Variants in BAZ1B observed in about 807,000 individuals in gnomAD.
The protein encoded by BAZ1B is tyrosine-protein kinase BAZ1B.
Under a neutral mutation model 153.8 loss-of-function variants are expected in BAZ1B, and 22 were observed. The ratio of observed to expected loss-of-function variants is 0.14; its 90% CI spans 0.10 to 0.20. The LOEUF (loss-of-function observed/expected upper bound fraction) is 0.20, where lower values mean the gene tolerates loss of function less well. Among genes scored for constraint, BAZ1B ranks in the 10% least tolerant of loss-of-function variants. The pLI is 1.00. For missense variants in BAZ1B, 1,325 were observed against 1,799.3 expected (o/e 0.74, Z 4.77); for synonymous variants, 676 against 633.4 (o/e 1.07, Z -1.01).
chr7:73,478,307 G>A lies in BAZ1B; in HGVS notation c.1154C>T (p.Pro385Leu). Residue 385 changes from proline (P) to leucine (L), a missense_variant, in exon 7 of 20, where the codon CCT becomes CTT. By Grantham distance (98) the Pro-to-Leu change is moderately conservative. Around this residue, in one of 9 missense-constraint regions of BAZ1B, gnomAD observed 219 missense variants for 248.2 expected, o/e 0.88. Transcript: ENST00000339594. ...TTTCTTGGCAGGTGGGCCTTTTTTA[G>A]GAATGTGAAAGTTAGTGTGCAGCTT... ...PNKLHTNFHI[P>L]KKGPPAKKPG... The A allele has an allele frequency of 6.2e-7, 1 of 1,614,096 alleles. No individual in the cohort carries two copies.
At chr7:73,462,750 A>G in intron 12 of BAZ1B, 172 bp downstream of exon 12, 1 of 686,408 alleles carries the variant, frequency 1.5e-6, no homozygotes, top group Non-Finnish European at 2.4e-6. Context: ...AAAGATAACA[A>G]GGAAAAAATA....
intron 9 of BAZ1B, among the ~76,000 whole-genome samples, chr7:73,468,628 G>A (rs765332295): frequency 2.6e-5 from 4 of 151,432 alleles, no homozygotes; most frequent in East Asian, 1.9e-4. Flanking sequence ...ACATATACCC[G>A]GCACCCAGAT....
intron 11 of BAZ1B, among the ~76,000 whole-genome samples, chr7:73,465,017 G>A (rs1349115799): frequency 2.6e-5 from 4 of 152,012 alleles, no homozygotes; most frequent in Non-Finnish European, 5.9e-5. Context: ...TTACAGGTGT[G>A]AGCCACCGCA....
In BAZ1B at chr7:73,451,982, A is replaced by G. The variant is rs534254024; in HGVS notation, c.3433-988T>C. Among the ~76,000 whole-genome samples, 4 of 152,328 alleles carry G rather than the reference A, an allele frequency of 2.6e-5. No individual in the cohort carries two copies. The South Asian group carries it at 8.3e-4, about 32-fold the overall frequency. On this transcript the variant is annotated intron_variant, in intron 13 of 19. Transcript: ENST00000339594. Reference sequence around the variant, plus strand: ...CTACCAATGGGCTTTGCTGTCCTCTAGTGGACATTCACATGTAGTGCACAC... The same window carrying G: ...CTACCAATGGGCTTTGCTGTCCTCTGGTGGACATTCACATGTAGTGCACAC...
intron 16 of BAZ1B, among the ~76,000 whole-genome samples, chr7:73,445,076 G>A (rs1431553693): frequency 3.9e-5 from 6 of 151,958 alleles, no homozygotes; most frequent in African/African-American, 1.5e-4. Context: ...TTGTGTCTCA[G>A]GTTTACAACA....
intron 6 of BAZ1B, among the ~76,000 whole-genome samples, chr7:73,479,330 G>A (rs183675567): frequency 0.011 from 1,697 of 151,904 alleles, 34 homozygotes; most frequent in African/African-American, 0.04. Flanking sequence ...CCAACATGGT[G>A]AAACCCCGTC....
intron 6 of BAZ1B, among the ~76,000 whole-genome samples, chr7:73,487,146 A>T (rs781947356): frequency 9.9e-5 from 15 of 152,228 alleles, no homozygotes; most frequent in Non-Finnish European, 1.5e-4. Context: ...AACCTAAATT[A>T]TAGCCAAATT....
intron 4 of BAZ1B, among the ~76,000 whole-genome samples, chr7:73,493,684 T>C (rs1554575977): frequency 6.6e-6 from 1 of 150,864 alleles, no homozygotes; most frequent in Admixed American, 6.6e-5. Context: ...CTATAAAAAA[T>C]ACAAAAAATT....
chr7:73,510,936 A>T, intron 1 of BAZ1B, 84 bp from the exon 2 acceptor site: 2 of 1,113,034 alleles, frequency 1.8e-6, no homozygotes, highest in Non-Finnish European at 2.7e-6. Flanking sequence ...TACAGAAAAA[A>T]ATCTAGTCTC....
intron 13 of BAZ1B, among the ~76,000 whole-genome samples, chr7:73,454,927 C>A (rs1478880761): frequency 6.6e-6 from 1 of 152,054 alleles, no homozygotes; most frequent in African/African-American, 2.4e-5. Context: ...GCGATCTCGG[C>A]TCACTGCAAC....
intron 9 of BAZ1B, among the ~76,000 whole-genome samples, chr7:73,468,928 G>A (rs1554571585): frequency 6.6e-6 from 1 of 152,106 alleles, no homozygotes; most frequent in Non-Finnish European, 1.5e-5. Flanking sequence ...TCAGGAGTTT[G>A]AGACCAGCTT....
chr7:73,517,852 A>G (rs1554579592), intron 1 of BAZ1B, among the ~76,000 whole-genome samples: 1 of 152,178 alleles, frequency 6.6e-6, no homozygotes, highest in Non-Finnish European at 1.5e-5. Flanking sequence ...TGTTCTCTTC[A>G]GTCTTGCAGG....
intron 16 of BAZ1B, among the ~76,000 whole-genome samples, chr7:73,445,983 T>C (rs1272336099): frequency 1.3e-5 from 2 of 152,178 alleles, no homozygotes; most frequent in Admixed American, 1.3e-4. Flanking sequence ...TACCCTAGGA[T>C]ACCTGAAAAA....
At chr7:73,518,384 G>C (rs1208363965) in intron 1 of BAZ1B, among the ~76,000 whole-genome samples, 1 of 151,936 alleles carries the variant, frequency 6.6e-6, no homozygotes, top group Non-Finnish European at 1.5e-5. Context: ...CTGCACTCCA[G>C]CCTGGGCGAC....
chr7:73,520,383 A>T (rs1583967467), intron 1 of BAZ1B, among the ~76,000 whole-genome samples: 2 of 152,160 alleles, frequency 1.3e-5, no homozygotes, highest in Admixed American at 1.3e-4. Context: ...AAGTGAGGTA[A>T]TATTTAAATT....
chr7:73,508,823 C>G (rs1790454526), intron 2 of BAZ1B, among the ~76,000 whole-genome samples: 2 of 151,608 alleles, frequency 1.3e-5, no homozygotes, highest in African/African-American at 2.4e-5. Context: ...ACCATCCTGG[C>G]TAACACGATG....
At chr7:73,512,387 A>G (rs1554578717) in intron 1 of BAZ1B, among the ~76,000 whole-genome samples, 1 of 152,056 alleles carries the variant, frequency 6.6e-6, no homozygotes, top group Non-Finnish European at 1.5e-5. Context: ...ATATGGCCAA[A>G]AGATTGGCTA....
chr7:73,463,239 CTTTT>C (rs11340027), intron 11 of BAZ1B, 140 bp from the exon 12 acceptor site: 2,287 of 461,250 alleles, frequency 5.0e-3, no homozygotes, highest in Middle Eastern at 0.011. Flanking sequence ...TTTCTTTTTT[CTTTT>C]TTTTTTTTTT....
intron 6 of BAZ1B, among the ~76,000 whole-genome samples, chr7:73,482,847 T>G (rs1554573871): frequency 6.6e-6 from 1 of 152,074 alleles, no homozygotes; most frequent in Non-Finnish European, 1.5e-5. Context: ...CCCAACCCCC[T>G]CCCAATAGGC....
Sources: allele counts gnomAD v4.1 joint callset (sites outside exome capture counted in the v4.1 genomes callset), GRCh38; gene constraint gnomAD v4.1.1; regional missense constraint gnomAD v4.1.1; transcripts MANE v1.5; gene names NCBI Gene and HGNC (gene_info 2026-07-23, HGNC 2026-07-21).